Variants in CRIPTO observed in about 807,000 individuals in gnomAD.
The protein encoded by CRIPTO is protein Cripto.
At chr3:46,580,903 T>C in the CRIPTO span, among the ~76,000 whole-genome samples, 16 of 152,140 alleles carry the variant, frequency 1.1e-4, no homozygotes, top group Non-Finnish European at 2.1e-4. Flanking sequence ...GGTTGGGTGA[T>C]TGGATGTGTA....
chr3:46,580,789 C>T, the CRIPTO span, among the ~76,000 whole-genome samples: 1 of 152,176 alleles, frequency 6.6e-6, no homozygotes, highest in African/African-American at 2.4e-5. Context: ...TGAAAGCAAA[C>T]ATTTCACTGA....
chr3:46,578,366 C>CAAA, the CRIPTO span, among the ~76,000 whole-genome samples: 1 of 138,252 alleles, frequency 7.2e-6, no homozygotes, highest in African/African-American at 2.7e-5. Flanking sequence ...AAGATAATAG[C>CAAA]AAAAAAAAAA....
chr3:46,579,821 C>T, the CRIPTO span: 10 of 1,613,940 alleles, frequency 6.2e-6, no homozygotes, highest in Admixed American at 6.7e-5. Flanking sequence ...CCTCCTTCTA[C>T]GGACGGAACT....
chr3:46,578,125 C>G, the CRIPTO span: 47,507 of 1,048,382 alleles, frequency 0.045, 2,118 homozygotes, highest in East Asian at 0.17. Context: ...AGCTGCCAAC[C>G]GCACTGCTGT....
At chr3:46,579,324 C>T in the CRIPTO span, 3 of 1,614,052 alleles carry the variant, frequency 1.9e-6, no homozygotes, top group South Asian at 3.3e-5. Context: ...TGCAATTCGG[C>T]CTCGGTCTTC....
chr3:46,579,666 A>G, the CRIPTO span: 1 of 1,492,578 alleles, frequency 6.7e-7, no homozygotes, highest in Non-Finnish European at 9.3e-7. Context: ...GTGTTGTATT[A>G]ACCTTCGCTT....
chr3:46,581,608 C>G, the CRIPTO span: 2 of 556,312 alleles, frequency 3.6e-6, no homozygotes, highest in Non-Finnish European at 6.3e-6. Context: ...ATCCGGGGTT[C>G]AAGCCATTCT....
chr3:46,578,998 C>T, the CRIPTO span: 1 of 1,320,066 alleles, frequency 7.6e-7, no homozygotes. Flanking sequence ...TTTCAGTGAT[C>T]TGTGGTCTTG....
At chr3:46,579,055 C>T in the CRIPTO span, 2 of 1,611,592 alleles carry the variant, frequency 1.2e-6, no homozygotes, top group South Asian at 2.2e-5. Context: ...GGTTTTATTT[C>T]CTTTGTTTGG....
chr3:46,579,558 C>A, the CRIPTO span: 1 of 1,178,890 alleles, frequency 8.5e-7, no homozygotes, highest in Non-Finnish European at 1.2e-6. Flanking sequence ...TCCCCTGAGT[C>A]CACTTCACAC....
the CRIPTO span, chr3:46,579,436 T>G: frequency 6.2e-7 from 1 of 1,612,424 alleles, no homozygotes. Flanking sequence ...TTTCCAACAC[T>G]CTTTCACCTA....
chr3:46,577,967 G>T, the CRIPTO span: 2 of 1,614,160 alleles, frequency 1.2e-6, no homozygotes, highest in Non-Finnish European at 1.7e-6. Context: ...ATTGTTAAAA[G>T]CTATGGACTG....
the CRIPTO span, among the ~76,000 whole-genome samples, chr3:46,575,943 C>T: frequency 6.6e-6 from 1 of 152,184 alleles, no homozygotes; most frequent in Non-Finnish European, 1.5e-5. Context: ...CTTTGCGGAG[C>T]CCTCCCCCAC....
the CRIPTO span, chr3:46,579,627 A>G: frequency 0.042 from 53,890 of 1,296,794 alleles, 2,278 homozygotes; most frequent in East Asian, 0.16. Flanking sequence ...GCTCAAAGGC[A>G]CAGAGACTTA....
chr3:46,581,020 G>T, the CRIPTO span: 5 of 786,264 alleles, frequency 6.4e-6, no homozygotes, highest in Admixed American at 2.0e-5. Flanking sequence ...CCAGGTGTGA[G>T]TGTCCTGAGA....
chr3:46,581,020 G>A, the CRIPTO span: 8 of 786,264 alleles, frequency 1.0e-5, no homozygotes, highest in Admixed American at 2.0e-5. Flanking sequence ...CCAGGTGTGA[G>A]TGTCCTGAGA....
At chr3:46,579,841 A>C in the CRIPTO span, 9 of 1,613,976 alleles carry the variant, frequency 5.6e-6, no homozygotes, top group Non-Finnish European at 7.6e-6. Context: ...TGTGAGCACG[A>C]TGTGCGCAAA....
chr3:46,579,577 C>A, the CRIPTO span: 3 of 1,154,938 alleles, frequency 2.6e-6, no homozygotes, highest in African/African-American at 4.5e-5. Flanking sequence ...ACTGGGGAAC[C>A]CAGAACCACC....
the CRIPTO span, chr3:46,579,366 A>G: frequency 6.2e-7 from 1 of 1,614,122 alleles, no homozygotes; most frequent in Non-Finnish European, 8.5e-7. Context: ...GATACAGCAC[A>G]GTAAGAACTG....
Sources: allele counts gnomAD v4.1 joint callset (sites outside exome capture counted in the v4.1 genomes callset), GRCh38; gene constraint gnomAD v4.1.1; transcripts MANE v1.5; gene names NCBI Gene and HGNC (gene_info 2026-07-23, HGNC 2026-07-21).